The following NELL2 variants were observed in gnomAD, a reference collection of about 807,000 sequenced individuals.
The protein encoded by NELL2 is protein kinase C-binding protein NELL2.
In NELL2, 41 loss-of-function variants were observed where a neutral mutation model predicts 109.6. That is an observed-to-expected ratio of 0.37 (90% CI 0.29 to 0.49). NELL2 has a LOEUF of 0.49. Among genes scored for constraint, NELL2 ranks in the 20% least tolerant of loss-of-function variants. NELL2 has a pLI of 0.98. For missense variants in NELL2, 900 were observed against 1,008.3 expected, an observed-to-expected ratio of 0.89 and a Z score of 1.45; for synonymous variants, 355 against 344.7, an observed-to-expected ratio of 1.03 and a Z score of -0.33.
intron 12 of NELL2, among the ~76,000 whole-genome samples, chr12:44,687,346 A>G (rs1467655155): frequency 6.6e-6 from 1 of 152,180 alleles, no homozygotes; most frequent in African/African-American, 2.4e-5. Context: ...TCAGGTGGAA[A>G]TGCAGAAATC....
At chr12:44,636,260 T>G (rs1261870470) in intron 13 of NELL2, among the ~76,000 whole-genome samples, 1 of 152,106 alleles carries the variant, frequency 6.6e-6, no homozygotes, top group Non-Finnish European at 1.5e-5. Context: ...CTCCTCCTAT[T>G]TGAATACCTT....
At chr12:44,558,786 T>C (rs763528698) in intron 15 of NELL2, among the ~76,000 whole-genome samples, 3 of 152,084 alleles carry the variant, frequency 2.0e-5, no homozygotes, top group Non-Finnish European at 4.4e-5. Context: ...GGAGGTTTTT[T>C]TCATACTCCA....
intron 10 of NELL2, among the ~76,000 whole-genome samples, chr12:44,713,464 T>C (rs1755332248): frequency 6.6e-6 from 1 of 151,972 alleles, no homozygotes; most frequent in Non-Finnish European, 1.5e-5. Flanking sequence ...CTTACTCCAC[T>C]TAAAACGGCA....
chr12:44,767,515 C>T (rs554250428), intron 9 of NELL2, among the ~76,000 whole-genome samples: 73 of 148,112 alleles, frequency 4.9e-4, no homozygotes, highest in African/African-American at 1.6e-3. Context: ...AGCAACTCCA[C>T]CCTTAGCAAC....
intron 1 of NELL2, among the ~76,000 whole-genome samples, chr12:44,921,131 T>C (rs1199785288): frequency 6.6e-6 from 1 of 152,050 alleles, no homozygotes; most frequent in Non-Finnish European, 1.5e-5. Context: ...AAACTGACAT[T>C]TGTCTGCTTC....
intron 9 of NELL2, among the ~76,000 whole-genome samples, chr12:44,766,658 T>A (rs115068839): frequency 0.015 from 2,309 of 152,306 alleles, 52 homozygotes; most frequent in African/African-American, 0.052. Flanking sequence ...ACCTAGATTA[T>A]CACTCTTTTG....
At chr12:44,877,918 G>A (rs1374265569), upstream of NELL2, among the ~76,000 whole-genome samples, 1 of 152,016 alleles carries the variant, frequency 6.6e-6, no homozygotes, top group Non-Finnish European at 1.5e-5. Flanking sequence ...TCAATGAAAA[G>A]AAATTAATCA....
At chr12:44,807,435 G>T (rs1427283515) in intron 3 of NELL2, among the ~76,000 whole-genome samples, 1 of 151,542 alleles carries the variant, frequency 6.6e-6, no homozygotes, top group East Asian at 1.9e-4. Flanking sequence ...ATGAAACATG[G>T]TATTAGATAG....
intron 13 of NELL2, among the ~76,000 whole-genome samples, chr12:44,648,710 CATAT>C (rs1187414211): frequency 8.4e-4 from 99 of 117,954 alleles, no homozygotes; most frequent in African/African-American, 3.5e-3. Context: ...ACAATGCCAT[CATAT>C]ATATATATAT....
At chr12:44,915,038 A>G (rs1945818079), upstream of NELL2, among the ~76,000 whole-genome samples, 1 of 151,970 alleles carries the variant, frequency 6.6e-6, no homozygotes, top group Admixed American at 6.6e-5. Flanking sequence ...TTTTTAGTAG[A>G]AACAGGGTTT....
At chr12:44,794,649 C>T (rs1322185854) in intron 3 of NELL2, among the ~76,000 whole-genome samples, 1 of 152,158 alleles carries the variant, frequency 6.6e-6, no homozygotes, top group African/African-American at 2.4e-5. Context: ...CTGCAACCTC[C>T]CCAGATCACC....
At chr12:44,729,937 C>A (rs1407832071) in intron 9 of NELL2, among the ~76,000 whole-genome samples, 1 of 152,104 alleles carries the variant, frequency 6.6e-6, no homozygotes, top group East Asian at 1.9e-4. Flanking sequence ...ATTACAGGTG[C>A]CTGCCCCCAC....
chr12:44,797,862 AT>A (rs1942679052), intron 3 of NELL2, among the ~76,000 whole-genome samples: 1 of 134,050 alleles, frequency 7.5e-6, no homozygotes, highest in African/African-American at 2.6e-5. Flanking sequence ...GAATAAAACC[AT>A]TCCATCCTAG....
At chr12:44,519,558 G>C (rs1177832384) in intron 19 of NELL2, among the ~76,000 whole-genome samples, 2 of 152,100 alleles carry the variant, frequency 1.3e-5, no homozygotes, top group African/African-American at 2.4e-5. Context: ...GCCCATCTTT[G>C]CCATATTGAT....
intron 15 of NELL2, among the ~76,000 whole-genome samples, chr12:44,578,993 T>A (rs1451634382): frequency 6.6e-6 from 1 of 152,216 alleles, no homozygotes; most frequent in Non-Finnish European, 1.5e-5. Flanking sequence ...TGTTTTGCAT[T>A]ACTTTATTCA....
chr12:44,773,086 A>G (rs1210311367), intron 9 of NELL2, among the ~76,000 whole-genome samples: 1 of 152,220 alleles, frequency 6.6e-6, no homozygotes. Flanking sequence ...CGTTATTTCA[A>G]TCAACCTGTA....
At chr12:44,624,228 T>C (rs946217316) in intron 13 of NELL2, among the ~76,000 whole-genome samples, 1 of 152,130 alleles carries the variant, frequency 6.6e-6, no homozygotes, top group Admixed American at 6.6e-5. Context: ...ACTTGCCTTC[T>C]TATATCTCTA....
intron 9 of NELL2, among the ~76,000 whole-genome samples, chr12:44,741,793 G>C (rs1382970751): frequency 6.6e-6 from 1 of 152,218 alleles, no homozygotes; most frequent in Non-Finnish European, 1.5e-5. Flanking sequence ...TGTTTGATTA[G>C]GTAAACAAAG....
chr12:44,587,284 A>AAAAAAAAAATATATATAT, intron 15 of NELL2, among the ~76,000 whole-genome samples: 12 of 72,196 alleles, frequency 1.7e-4, no homozygotes, highest in Admixed American at 3.3e-4. Flanking sequence ...AAAAAAAAAA[A>AAAAAAAAAATATATATAT]ATATATATAT....
Sources: allele counts gnomAD v4.1 joint callset (sites outside exome capture counted in the v4.1 genomes callset), GRCh38; gene constraint gnomAD v4.1.1; transcripts MANE v1.5; gene names NCBI Gene and HGNC (gene_info 2026-07-23, HGNC 2026-07-21).